LRP2: variants seen among roughly 807,000 people sequenced by gnomAD.
LRP2 encodes the protein low-density lipoprotein receptor-related protein 2.
Under a neutral mutation model 531.0 loss-of-function variants are expected in LRP2, and 172 were observed. The observed-to-expected ratio is 0.32, with a 90% CI of 0.29 to 0.37. The LOEUF is 0.37. LRP2 is among the 10% of genes least tolerant of loss of function. The pLI is 1.00. For synonymous variants in LRP2, 1,992 were observed against 2,027.6 expected (o/e 0.98, Z 0.47); for missense variants, 5,167 against 5,868.3 (o/e 0.88, Z 3.90).
chr2:169,138,576 C>T lies in LRP2; in HGVS notation c.13518+1G>A. The T allele has an allele frequency of 6.2e-7, 1 of 1,613,786 alleles. No individual in the cohort carries two copies. Among genetic ancestry groups the T allele is most frequent in the Non-Finnish European group, 8.5e-7 (1 of 1,179,772 alleles). On this transcript the variant is annotated splice_donor_variant, in intron 75 of 78. Transcript: ENST00000649046. LOFTEE classifies it high-confidence loss of function. ...AATAATCATTTTGAAACCATACTCA[C>T]CATTGCCATTGACCTGTCAATAGCA...
chr2:169,179,493 G>A (rs1043069086), intron 52 of LRP2, among the ~76,000 whole-genome samples: 1 of 152,136 alleles, frequency 6.6e-6, no homozygotes, highest in African/African-American at 2.4e-5. Context: ...GGCAGAGGCA[G>A]GCAGATCACC....
At chr2:169,361,344 C>CTG (rs1385271155) in intron 1 of LRP2, among the ~76,000 whole-genome samples, 5 of 46,328 alleles carry the variant, frequency 1.1e-4, no homozygotes, top group African/African-American at 3.7e-4. Flanking sequence ...CTCTCTGTCT[C>CTG]TCTCTGTCTC....
At chr2:169,143,163 A>G (rs6733111) in intron 70 of LRP2, among the ~76,000 whole-genome samples, 91,461 of 152,116 alleles carry the variant, frequency 0.6, 30,417 homozygotes, top group South Asian at 0.79. Flanking sequence ...TCCACATATT[A>G]TACCAAGATT....
At position 169,174,057 on chromosome 2, in the gene LRP2, C is replaced by A. The variant is rs148537667; in HGVS notation, c.10876G>T (p.Asp3626Tyr). ...FNDCEDNSDE[D>Y]SSHCASRTCR... ...GTCCTGCTGGCACAGTGGGAACTGT[C>A]TTCATCTGAGTTATCCTCACAGTCG... Residue 3626 changes from aspartate (D) to tyrosine (Y), a missense_variant, in exon 56 of 79, where the codon GAC becomes TAC. Physicochemically the swap from Asp to Tyr is radical, Grantham distance 160. Around this residue, in one of 6 missense-constraint regions of LRP2, gnomAD observed 311 missense variants for 309.4 expected, o/e 1.01. Transcript: ENST00000649046. 1 of 1,614,234 alleles carries A rather than the reference C, an allele frequency of 6.2e-7. No homozygotes were observed. The highest frequency in any genetic ancestry group is 8.5e-7 in the Non-Finnish European group (1 of 1,180,050).
chr2:169,362,148 G>T (rs1487096674), intron 1 of LRP2, among the ~76,000 whole-genome samples, 173 bp downstream of exon 1: 2 of 152,210 alleles, frequency 1.3e-5, no homozygotes, highest in African/African-American at 4.8e-5. Flanking sequence ...GAAGAGGGGC[G>T]CTCCCGCTCC....
chr2:169,257,124 G>T lies in LRP2; in HGVS notation c.2639C>A (p.Ala880Asp). ...ATCGGGGATGATGATTCCTACTTAC[G>T]CCCAATCGATGGCCAAGCCATTGGG... The part of the protein sequence containing the change: ...GWPNGLAIDW[A>D]ASRLYWVDAY... The change falls in exon 18 of 79, where the codon GCT (alanine) becomes GAT (aspartate). Residue 880 changes from alanine (A) to aspartate (D), a missense_variant and splice_region_variant. By Grantham distance (126) the Ala-to-Asp change is moderately radical (BLOSUM62 -2). Transcript: ENST00000649046. 6.2e-7 allele frequency: 1 copy of T among 1,612,368 alleles called. No homozygotes were observed. The highest frequency in any genetic ancestry group is 8.5e-7 in the Non-Finnish European group (1 of 1,178,864).
chr2:169,198,501 C>T (rs1688080015), intron 45 of LRP2, among the ~76,000 whole-genome samples: 1 of 152,144 alleles, frequency 6.6e-6, no homozygotes. Context: ...TGCCTAAGTA[C>T]ATGAAGGCAA....
rs200584347 is a variant in LRP2, at chr2:169,244,817, G to T, written c.3306C>A (p.Pro1102=). ...CVDGSDEHNC[P]THAPASCLDT... is the part of the protein sequence containing the mutation. Reference sequence around the variant, plus strand: ...CAAGGCAGGAAGCAGGTGCGTGGGTGGGGCAGTTGTGCTCATCACTGCCAT... The same window carrying T: ...CAAGGCAGGAAGCAGGTGCGTGGGTTGGGCAGTTGTGCTCATCACTGCCAT... Residue 1102 remains proline, a synonymous_variant, in exon 22 of 79, where the codon CCC becomes CCA. Coordinates refer to ENST00000649046, the MANE Select transcript of LRP2 (RefSeq NM_004525.3). 1.5e-5 allele frequency: 25 copies of T among 1,614,250 alleles called. No individual in the cohort carries two copies. The African/African-American group carries it at 2.9e-4, about 19-fold the overall frequency.
At chr2:169,203,762 TA>T (rs1242855072) in intron 42 of LRP2, among the ~76,000 whole-genome samples, 1 of 152,010 alleles carries the variant, frequency 6.6e-6, no homozygotes, top group Non-Finnish European at 1.5e-5. Context: ...GTCTCAAAAA[TA>T]AAATAAAAGA....
Position 169,182,296 on chromosome 2 carries a change from C to T in LRP2, c.9869G>A (p.Arg3290His), listed in dbSNP as rs550219867. 3.3e-5 allele frequency: 53 copies of T among 1,613,894 alleles called. No homozygotes were observed. Among genetic ancestry groups the T allele is most frequent in the Middle Eastern group, 3.3e-4 (2 of 6,060 alleles). Reference protein sequence around the residue: ...VSRKLYWLDARLDGLFVSDLN... With the variant: ...VSRKLYWLDAHLDGLFVSDLN... ...GTCAGAGACAAAGAGGCCATCCAGG[C>T]GGGCATCCAACCAGTAGAGCTTTCT... The change falls in exon 51 of 79, where the codon CGC (arginine) becomes CAC (histidine). Residue 3290 changes from arginine (R) to histidine (H), a missense_variant. By Grantham distance (29) the Arg-to-His change is conservative. Transcript: ENST00000649046.
chr2:169,241,592 C>T (rs111818456), intron 24 of LRP2, among the ~76,000 whole-genome samples: 329 of 152,232 alleles, frequency 2.2e-3, no homozygotes, highest in Middle Eastern at 0.01. Flanking sequence ...AAGTACAGAA[C>T]GCACAACTGC....
chr2:169,204,218 T>C lies in LRP2; in HGVS notation c.7769A>G (p.Asn2590Ser), dbSNP rs368708131. The C allele has an allele frequency of 1.7e-5, 28 of 1,614,048 alleles. No homozygotes were observed. The highest frequency in any genetic ancestry group is 2.0e-5 in the Non-Finnish European group (24 of 1,180,048). Residue 2590 changes from asparagine to serine, a missense_variant, in exon 42 of 79, where the codon AAT becomes AGT. Physicochemically the swap from Asn to Ser is conservative, Grantham distance 46. Transcript: ENST00000649046. The stretch of plus-strand genomic sequence containing the variant: ...CAAGCCAAAAGCATGAACGGCTGCA[T>C]TGACAATGACTTCACGATCCACGCC... Reference protein sequence around the residue: ...LTGVDREVIVNAAVHAFGLTL... With the variant: ...LTGVDREVIVSAAVHAFGLTL...
In LRP2 at chr2:169,206,992, C is replaced by T. The variant is rs775126007; in HGVS notation, c.6728G>A (p.Arg2243Gln). The stretch of plus-strand genomic sequence containing the variant: ...AACCCAATAAACGTAGCCATCACTT[C>T]GGTCCACTGCCAAGCCCCGTGGTGT... ...IVTPRGLAVDRSDGYVYWVDD... is the reference protein window; with the variant it reads ...IVTPRGLAVDQSDGYVYWVDD... Residue 2243 changes from arginine to glutamine, a missense_variant, in exon 39 of 79, where the codon CGA (arginine) becomes CAA (glutamine). Transcript: ENST00000649046. 12 of 1,614,104 alleles carry T rather than the reference C, an allele frequency of 7.4e-6. No homozygotes were observed. Among genetic ancestry groups the T allele is most frequent in the Admixed American group, 3.3e-5 (2 of 60,004 alleles).
intron 71 of LRP2, among the ~76,000 whole-genome samples, chr2:169,140,963 A>T (rs1429873343): frequency 6.6e-6 from 1 of 152,172 alleles, no homozygotes; most frequent in Admixed American, 6.5e-5. Flanking sequence ...AAGCATCAGT[A>T]ATTGATCAGT....
At chr2:169,283,046 T>G in intron 9 of LRP2, 45 bp from the exon 10 acceptor site, 1 of 1,607,788 alleles carries the variant, frequency 6.2e-7, no homozygotes, top group Non-Finnish European at 8.5e-7. Context: ...TTATCAGCAT[T>G]TATTAAGCAC....
intron 67 of LRP2, 54 bp downstream of exon 67, chr2:169,152,745 G>T: frequency 6.2e-7 from 1 of 1,600,376 alleles, no homozygotes; most frequent in Non-Finnish European, 8.6e-7. Context: ...GTGCAGTAGA[G>T]AACTCTAACC....
intron 10 of LRP2, among the ~76,000 whole-genome samples, chr2:169,281,301 A>C (rs1683697803): frequency 6.6e-6 from 1 of 152,216 alleles, no homozygotes; most frequent in Admixed American, 6.5e-5. Context: ...GGGGGCCTGT[A>C]ATCTCAGCTA....
rs1413625168 is a variant in LRP2, at chr2:169,231,784, C to T, written c.5157G>A (p.Gly1719=). The change falls in exon 31 of 79, where the codon GGG becomes GGA. Residue 1719 remains glycine, a synonymous_variant. Transcript: ENST00000649046. ...GACAAACACAGGAGTAAAAATGAGG[C>T]CCCTGTGAGGAAAGCAGGCAGAGAT... is the stretch of plus-strand genomic sequence containing the variant. ...CSHLCLLSSQ[G]PHFYSCVCPS... 3.7e-6 allele frequency: 6 copies of T among 1,614,068 alleles called. No individual in the cohort carries two copies. Among genetic ancestry groups the T allele is most frequent in the Admixed American group, 3.3e-5 (2 of 60,008 alleles).
chr2:169,310,886 A>T (rs1684577377), intron 3 of LRP2, among the ~76,000 whole-genome samples: 1 of 152,132 alleles, frequency 6.6e-6, no homozygotes, highest in Admixed American at 6.5e-5. Flanking sequence ...AGAGCCTGTT[A>T]TTGGACTATT....
Sources: allele counts gnomAD v4.1 joint callset (sites outside exome capture counted in the v4.1 genomes callset), GRCh38; gene constraint gnomAD v4.1.1; regional missense constraint gnomAD v4.1.1; transcripts MANE v1.5; gene names NCBI Gene and HGNC (gene_info 2026-07-23, HGNC 2026-07-21).